STXBP5L: variants seen among roughly 807,000 people sequenced by gnomAD.
STXBP5L encodes syntaxin-binding protein 5-like.
Under a neutral mutation model 144.5 loss-of-function variants are expected in STXBP5L, and 65 were observed. The ratio of observed to expected loss-of-function variants is 0.45; its 90% confidence interval spans 0.37 to 0.55. STXBP5L has a LOEUF of 0.55. Among genes scored for constraint, STXBP5L ranks in the 20% least tolerant of loss-of-function variants. The pLI is 0.00. For missense variants in STXBP5L, 1,298 were observed against 1,405.5 expected, an observed-to-expected ratio of 0.92 and a Z score of 1.22; for synonymous variants, 505 against 469.6, an observed-to-expected ratio of 1.08 and a Z score of -0.97.
At position 121,041,780 on chromosome 3, in the gene STXBP5L, A is replaced by G; in HGVS notation, c.368A>G (p.Glu123Gly). The G allele has an allele frequency of 1.2e-6, 2 of 1,610,700 alleles. No individual in the cohort carries two copies. The highest frequency in any genetic ancestry group is 1.7e-6 in the Non-Finnish European group (2 of 1,177,444). The change falls in exon 4 of 27, where the codon GAG (glutamate) becomes GGG (glycine). Residue 123 changes from glutamate (E) to glycine (G), a missense_variant and splice_region_variant. Physicochemically the swap from Glu to Gly is moderately conservative, Grantham distance 98. Transcript: ENST00000471454. ...AVLQLQFLIN[E>G]GALVSASSDD... ...CTACAGCTCCAATTTTTGATCAATG[A>G]GGTAAGGATTATTTTTTGACTACTT...
chr3:121,036,414 A>G (rs1394538881), intron 3 of STXBP5L, among the ~76,000 whole-genome samples: 2 of 152,132 alleles, frequency 1.3e-5, no homozygotes, highest in East Asian at 1.9e-4. Flanking sequence ...TTTCCTATAT[A>G]AATTTGATGT....
chr3:121,191,364 C>G (rs774143577), intron 9 of STXBP5L, among the ~76,000 whole-genome samples: 9 of 152,202 alleles, frequency 5.9e-5, no homozygotes, highest in Non-Finnish European at 1.2e-4. Context: ...ACGGCGAAAC[C>G]CTGTCTCCAC....
intron 20 of STXBP5L, among the ~76,000 whole-genome samples, chr3:121,376,522 TG>T (rs1246835832): frequency 2.6e-5 from 4 of 152,240 alleles, no homozygotes; most frequent in African/African-American, 9.6e-5. Flanking sequence ...TTGTCAGCTT[TG>T]TCAAAGATCA....
At chr3:121,252,889 T>C (rs2050072231) in intron 15 of STXBP5L, among the ~76,000 whole-genome samples, 1 of 152,174 alleles carries the variant, frequency 6.6e-6, no homozygotes, top group Admixed American at 6.5e-5. Flanking sequence ...CTTCCAAGCT[T>C]ATGTAATCGT....
At chr3:120,951,339 A>C (rs976076570) in intron 2 of STXBP5L, among the ~76,000 whole-genome samples, 10 of 152,218 alleles carry the variant, frequency 6.6e-5, no homozygotes, top group African/African-American at 2.4e-4. Context: ...TGCACAGCAA[A>C]AGAAACTACC....
chr3:121,020,140 G>A (rs529776565), intron 3 of STXBP5L, among the ~76,000 whole-genome samples: 92 of 152,228 alleles, frequency 6.0e-4, no homozygotes, highest in African/African-American at 2.2e-3. Context: ...GCACTGGAAA[G>A]GCTCGGCAAT....
intron 5 of STXBP5L, among the ~76,000 whole-genome samples, chr3:121,046,705 G>A (rs762081467): frequency 6.6e-6 from 1 of 151,902 alleles, no homozygotes; most frequent in Non-Finnish European, 1.5e-5. Flanking sequence ...TGGTGGTAAT[G>A]TCTTTTTTGG....
intron 3 of STXBP5L, among the ~76,000 whole-genome samples, chr3:121,010,771 T>C (rs1293185484): frequency 6.6e-6 from 1 of 151,736 alleles, no homozygotes; most frequent in Non-Finnish European, 1.5e-5. Context: ...ATTAAGAAAA[T>C]CATAAGAAAG....
At chr3:121,151,491 C>T (rs965972472) in intron 7 of STXBP5L, among the ~76,000 whole-genome samples, 21 of 152,176 alleles carry the variant, frequency 1.4e-4, no homozygotes, top group African/African-American at 4.6e-4. Flanking sequence ...TGTAAGATGT[C>T]GAGATAAGTG....
intron 3 of STXBP5L, among the ~76,000 whole-genome samples, chr3:121,011,875 C>T (rs893122555): frequency 1.3e-5 from 2 of 151,694 alleles, no homozygotes. Context: ...GGTATGTTCA[C>T]GGGGTTGTGC....
intron 20 of STXBP5L, among the ~76,000 whole-genome samples, chr3:121,327,453 T>A (rs931347656): frequency 6.6e-6 from 1 of 152,170 alleles, no homozygotes; most frequent in Non-Finnish European, 1.5e-5. Context: ...TCATCTGATC[T>A]TTAGGCCAGA....
At chr3:121,192,045 T>G (rs2047714265) in intron 9 of STXBP5L, among the ~76,000 whole-genome samples, 1 of 152,118 alleles carries the variant, frequency 6.6e-6, no homozygotes, top group Non-Finnish European at 1.5e-5. Flanking sequence ...TGTATACATA[T>G]GTAACAAACC....
At chr3:121,311,551 G>A (rs1216099369) in intron 19 of STXBP5L, among the ~76,000 whole-genome samples, 1 of 152,126 alleles carries the variant, frequency 6.6e-6, no homozygotes, top group Non-Finnish European at 1.5e-5. Context: ...AACAATAACA[G>A]ACAAACAGAG....
intron 2 of STXBP5L, among the ~76,000 whole-genome samples, chr3:120,912,296 A>G (rs895335693): frequency 6.6e-6 from 1 of 151,918 alleles, no homozygotes; most frequent in Non-Finnish European, 1.5e-5. Context: ...TAAAAATTCT[A>G]TATTGGTTTC....
intron 3 of STXBP5L, among the ~76,000 whole-genome samples, chr3:121,012,268 A>G (rs914621187): frequency 3.0e-4 from 46 of 151,796 alleles, no homozygotes; most frequent in African/African-American, 9.9e-4. Flanking sequence ...TCATGCTTCT[A>G]TGAACATTTG....
chr3:121,055,286 C>G (rs1016278631), intron 5 of STXBP5L, among the ~76,000 whole-genome samples: 1 of 152,034 alleles, frequency 6.6e-6, no homozygotes, highest in African/African-American at 2.4e-5. Context: ...TTTAACCAAG[C>G]ATCTTTTGGG....
intron 5 of STXBP5L, among the ~76,000 whole-genome samples, chr3:121,091,813 C>A (rs1245284415): frequency 1.3e-5 from 2 of 152,096 alleles, no homozygotes; most frequent in Admixed American, 6.6e-5. Flanking sequence ...TCTTTTATTG[C>A]CATTGCTTTT....
intron 6 of STXBP5L, among the ~76,000 whole-genome samples, chr3:121,121,196 T>C (rs1446150484): frequency 3.3e-5 from 5 of 151,300 alleles, no homozygotes; most frequent in Non-Finnish European, 7.4e-5. Flanking sequence ...TGTACTTTTC[T>C]TTAGGGGAAA....
chr3:121,020,671 A>T (rs1011745327), intron 3 of STXBP5L, among the ~76,000 whole-genome samples: 14 of 152,294 alleles, frequency 9.2e-5, no homozygotes, highest in South Asian at 4.1e-4. Flanking sequence ...AAGCTTCATA[A>T]ATGAAGGGAA....
Sources: allele counts gnomAD v4.1 joint callset (sites outside exome capture counted in the v4.1 genomes callset), GRCh38; gene constraint gnomAD v4.1.1; transcripts MANE v1.5; gene names NCBI Gene and HGNC (gene_info 2026-07-23, HGNC 2026-07-21).